The following CDK12 variants were observed in gnomAD, a reference collection of about 807,000 sequenced individuals.
CDK12 encodes the protein cyclin-dependent kinase 12.
In CDK12, 17 loss-of-function variants were observed where a neutral mutation model predicts 133.8. The observed-to-expected ratio is 0.13, with a 90% CI of 0.09 to 0.19. CDK12 has a LOEUF of 0.19. Ranked by LOEUF, CDK12 falls within the 10% of genes least tolerant of loss-of-function variation. The pLI is 1.00. For missense variants in CDK12, 1,508 were observed against 1,818.7 expected, an observed-to-expected ratio of 0.83 and a Z score of 3.11; for synonymous variants, 694 against 683.6, an observed-to-expected ratio of 1.02 and a Z score of -0.24.
intron 1 of CDK12, among the ~76,000 whole-genome samples, chr17:39,464,246 G>C (rs921057402): frequency 1.3e-5 from 2 of 150,174 alleles, no homozygotes; most frequent in African/African-American, 4.9e-5. Context: ...TGAAAGACAA[G>C]ATCTTGCCCT....
rs71843922 is a variant in CDK12 at position 39,532,102 on chromosome 17, TTCTCTCTCTCTCTC to T, written c.*814_*827del. On this transcript the variant is annotated 3_prime_UTR_variant, in exon 14 of 14. Coordinates refer to ENST00000447079, the MANE Select transcript of CDK12 (RefSeq NM_016507.4). Reference sequence around the variant, plus strand: ...GCTGATGTGTGCTCTCTCTCTCTCTTTCTCTCTCTCTCTCTCTCTCTCTCTCTCTCTCTCTCTCT... The same window carrying T: ...GCTGATGTGTGCTCTCTCTCTCTCTTTCTCTCTCTCTCTCTCTCTCTCTCT... 2.8e-4 allele frequency: 61 copies of T among 218,618 alleles called. No individual in the cohort carries two copies. In the Middle Eastern group the frequency reaches 5.2e-3, roughly 19 times the overall value. The allele number at this position is 218,618 out of a possible 1,614,324, so 13.5% of individuals were successfully genotyped here.
intron 2 of CDK12, among the ~76,000 whole-genome samples, chr17:39,482,548 T>G (rs2050793029): frequency 6.7e-6 from 1 of 150,192 alleles, no homozygotes; most frequent in East Asian, 2.0e-4. Context: ...TAATCTTTTC[T>G]GTATTGTTAC....
rs181569806 is a variant in CDK12, at chr17:39,503,073, C to T, written c.2609+1634C>T. Among the ~76,000 whole-genome samples the T allele has an allele frequency of 5.3e-5, 8 of 152,116 alleles. No individual in the cohort carries two copies. The East Asian group carries it at 1.4e-3, about 26-fold the overall frequency. On this transcript the variant is annotated intron_variant, in intron 6 of 13. Coordinates refer to ENST00000447079, the MANE Select transcript of CDK12 (RefSeq NM_016507.4). ...CAGTCCAGGTGACAGAGCAAGACTC[C>T]ATCTCAAAAAAAGAAATAATCTTAG...
rs1020434549 is a variant in CDK12 at position 39,462,939 on chromosome 17, C to T, written c.868C>T (p.Arg290Trp). Residue 290 changes from arginine to tryptophan, a missense_variant, in exon 1 of 14, where the codon CGG becomes TGG. Physicochemically the swap from Arg to Trp is moderately radical, Grantham distance 101 (BLOSUM62 -3). Coordinates refer to ENST00000447079, the MANE Select transcript of CDK12 (RefSeq NM_016507.4). ...GCCTTCGGCCTACCAGTCCAGCACC[C>T]GGTCACCGAGCCCCTACAGTAGGCG... ...KEPSAYQSST[R>W]SPSPYSRRQR... 1 of 1,614,102 alleles carries T rather than the reference C, an allele frequency of 6.2e-7. No individual in the cohort carries two copies. The highest frequency in any genetic ancestry group is 1.3e-5 in the African/African-American group (1 of 74,938).
chr17:39,473,736 T>A (rs950940053), intron 2 of CDK12, among the ~76,000 whole-genome samples: 2 of 151,898 alleles, frequency 1.3e-5, no homozygotes, highest in African/African-American at 4.8e-5. Context: ...AATACAAAAA[T>A]TAGCTGGGCG....
At chr17:39,563,053 A>G (rs2056439106) in intron 3 of CDK12, among the ~76,000 whole-genome samples, 1 of 151,834 alleles carries the variant, frequency 6.6e-6, no homozygotes, top group African/African-American at 2.4e-5. Flanking sequence ...TTAATTAACA[A>G]ATTCACATGC....
chr17:39,466,010 T>TA (rs1437868784), intron 1 of CDK12, among the ~76,000 whole-genome samples: 3 of 151,996 alleles, frequency 2.0e-5, no homozygotes, highest in Non-Finnish European at 4.4e-5. Flanking sequence ...CATGTTCTCT[T>TA]AAGAGAGTAG....
At chr17:39,486,812 G>T (rs534628189) in intron 2 of CDK12, among the ~76,000 whole-genome samples, 1 of 151,964 alleles carries the variant, frequency 6.6e-6, no homozygotes, top group Non-Finnish European at 1.5e-5. Context: ...TTCGAGTCCA[G>T]CCTGGCCAAT....
At chr17:39,561,114 C>T (rs941797449) in intron 3 of CDK12, among the ~76,000 whole-genome samples, 8 of 152,168 alleles carry the variant, frequency 5.3e-5, no homozygotes, top group South Asian at 2.1e-4. Flanking sequence ...GTGAATGGTG[C>T]GCCTGAGCAT....
At chr17:39,566,435 A>T (rs575492357), downstream of CDK12, among the ~76,000 whole-genome samples, 1 of 152,138 alleles carries the variant, frequency 6.6e-6, no homozygotes, top group Non-Finnish European at 1.5e-5. Flanking sequence ...TTCTCACCTC[A>T]GACCCAACCT....
At chr17:39,478,485 T>C (rs1421284373) in intron 2 of CDK12, among the ~76,000 whole-genome samples, 1 of 152,104 alleles carries the variant, frequency 6.6e-6, no homozygotes, top group African/African-American at 2.4e-5. Flanking sequence ...TGAGCCAACG[T>C]GCCCAGCCCT....
At chr17:39,484,446 T>C (rs1271086525) in intron 2 of CDK12, among the ~76,000 whole-genome samples, 2 of 152,176 alleles carry the variant, frequency 1.3e-5, no homozygotes, top group African/African-American at 4.8e-5. Flanking sequence ...TCACTTTGCA[T>C]GTACCACATG....
intron 6 of CDK12, among the ~76,000 whole-genome samples, chr17:39,501,874 C>A (rs898546352): frequency 2.7e-5 from 4 of 148,008 alleles, no homozygotes; most frequent in African/African-American, 1.0e-4. Flanking sequence ...GATGGAATTT[C>A]GCTCTTCTTG....
chr17:39,506,200 T>A (rs2053107335), intron 6 of CDK12, among the ~76,000 whole-genome samples: 1 of 149,634 alleles, frequency 6.7e-6, no homozygotes, highest in Admixed American at 6.7e-5. Flanking sequence ...CACCATACAA[T>A]ATGATTATAT....
At chr17:39,544,397 C>A, upstream of CDK12, 9 of 464,066 alleles carry the variant, frequency 1.9e-5, no homozygotes, top group South Asian at 1.4e-4. Context: ...CACTGGCCTG[C>A]TTTTGTGTGG....
At chr17:39,567,074 T>G (rs2056597004), downstream of CDK12, 1 of 152,232 alleles carries the variant, frequency 6.6e-6, no homozygotes, top group Non-Finnish European at 1.5e-5. Context: ...GAGCTAACAT[T>G]GCAGAGCACC....
At chr17:39,560,059 G>A (rs75315338) in intron 3 of CDK12, among the ~76,000 whole-genome samples, 1 of 152,228 alleles carries the variant, frequency 6.6e-6, no homozygotes, top group Admixed American at 6.5e-5. Context: ...AGACTCTCAA[G>A]TTGCTGAGAC....
intron 2 of CDK12, among the ~76,000 whole-genome samples, chr17:39,554,421 G>A (rs180903524): frequency 6.6e-6 from 1 of 152,260 alleles, no homozygotes; most frequent in Non-Finnish European, 1.5e-5. Flanking sequence ...CCTCCCTTGT[G>A]TGCCAGGTGG....
At position 39,463,204 on chromosome 17, in the gene CDK12, G is replaced by T. The variant is rs1449211545; in HGVS notation, c.1046+87G>T. Reference sequence around the variant, plus strand: ...GCGTGTTAACATTGTCTGGAAGCCCGCAGTGTTCATCATTGACTAGAACAC... The same window carrying T: ...GCGTGTTAACATTGTCTGGAAGCCCTCAGTGTTCATCATTGACTAGAACAC... On this transcript the variant is annotated intron_variant, in intron 1 of 13. Transcript: ENST00000447079. The T allele has an allele frequency of 3.4e-6, 4 of 1,174,520 alleles. No individual in the cohort carries two copies. The African/African-American group carries it at 4.5e-5, about 13-fold the overall frequency. The allele number at this position is 1,174,520 out of a possible 1,614,324, so 72.8% of individuals were successfully genotyped here.
Sources: gnomAD v4.1 joint callset for allele counts (sites outside exome capture counted in the v4.1 genomes callset) on GRCh38, gnomAD v4.1.1 for gene constraint, MANE v1.5 for transcripts, NCBI Gene and HGNC (gene_info 2026-07-23, HGNC 2026-07-21) for gene names.